Variants in CCNY observed in about 807,000 individuals in gnomAD.
The protein encoded by CCNY is cyclin-Y.
A neutral mutation model predicts 42.8 loss-of-function variants in CCNY; 19 were observed. The observed-to-expected ratio is 0.44, with a 90% CI of 0.31 to 0.65. CCNY has a LOEUF of 0.65. Among genes scored for constraint, CCNY ranks in the 30% least tolerant of loss-of-function variants. The pLI is 0.07. For missense variants in CCNY, 370 were observed against 437.3 expected, an observed-to-expected ratio of 0.85 and a Z score of 1.37; for synonymous variants, 165 against 162.7, an observed-to-expected ratio of 1.01 and a Z score of -0.11.
At chr10:35,256,591 G>T (rs1378193412) in intron 3 of CCNY, among the ~76,000 whole-genome samples, 1 of 151,974 alleles carries the variant, frequency 6.6e-6, no homozygotes, top group Non-Finnish European at 1.5e-5. Context: ...AATTAGCTGG[G>T]TGTGGTGGCG....
At chr10:35,539,182 A>T (rs1160338315) in intron 7 of CCNY, among the ~76,000 whole-genome samples, 1 of 152,180 alleles carries the variant, frequency 6.6e-6, no homozygotes, top group Non-Finnish European at 1.5e-5. Flanking sequence ...TGAAATTGGA[A>T]AGTATGAGTC....
chr10:35,496,646 G>A (rs187323187), intron 2 of CCNY, among the ~76,000 whole-genome samples: 2 of 152,124 alleles, frequency 1.3e-5, no homozygotes, highest in East Asian at 1.9e-4. Context: ...CAGCCTGGGC[G>A]ACATAGTGAG....
chr10:35,400,671 A>C (rs929215257), intron 1 of CCNY, among the ~76,000 whole-genome samples: 5 of 152,180 alleles, frequency 3.3e-5, no homozygotes, highest in Non-Finnish European at 7.3e-5. Flanking sequence ...TAATGGTGCA[A>C]TATGTACTTA....
chr10:35,519,970 T>C (rs1446559484), intron 4 of CCNY, among the ~76,000 whole-genome samples: 1 of 151,952 alleles, frequency 6.6e-6, no homozygotes, highest in Non-Finnish European at 1.5e-5. Context: ...TAGAGACATT[T>C]GTTTCACCTT....
chr10:35,534,552 G>C, intron 7 of CCNY, among the ~76,000 whole-genome samples: 1 of 152,158 alleles, frequency 6.6e-6, no homozygotes, highest in South Asian at 2.1e-4. Flanking sequence ...ACAGGAGGGG[G>C]TGTGGTCCCT....
chr10:35,299,958 G>C (rs1835513723), intron 3 of CCNY, among the ~76,000 whole-genome samples: 1 of 152,124 alleles, frequency 6.6e-6, no homozygotes, highest in Non-Finnish European at 1.5e-5. Flanking sequence ...TACATCTTCA[G>C]TTTATCAGTG....
intron 2 of CCNY, among the ~76,000 whole-genome samples, chr10:35,249,710 A>T (rs1487540339): frequency 6.6e-6 from 1 of 152,154 alleles, no homozygotes; most frequent in South Asian, 2.1e-4. Context: ...TACAGTAGGG[A>T]GTCCTTGCAG....
intron 1 of CCNY, among the ~76,000 whole-genome samples, chr10:35,406,700 A>G (rs1316501836): frequency 1.3e-5 from 2 of 152,190 alleles, no homozygotes; most frequent in East Asian, 1.9e-4. Context: ...TCTATTCCAC[A>G]AAACTGCCAC....
At chr10:35,269,157 G>A (rs1565058577) in intron 3 of CCNY, among the ~76,000 whole-genome samples, 1 of 152,116 alleles carries the variant, frequency 6.6e-6, no homozygotes, top group Non-Finnish European at 1.5e-5. Flanking sequence ...CCCTTTTGAT[G>A]ATAGATTTTC....
intron 1 of CCNY, among the ~76,000 whole-genome samples, chr10:35,361,150 C>T (rs1026830718): frequency 2.0e-5 from 3 of 152,228 alleles, no homozygotes; most frequent in Non-Finnish European, 2.9e-5. Flanking sequence ...AGCCACTGCA[C>T]CTGGCCCATA....
chr10:35,249,810 G>A (rs1192773781), intron 2 of CCNY, among the ~76,000 whole-genome samples: 1 of 152,178 alleles, frequency 6.6e-6, no homozygotes, highest in Non-Finnish European at 1.5e-5. Context: ...AGCACTTTGG[G>A]AGACTGAGGG....
intron 3 of CCNY, 43 bp downstream of exon 3, chr10:35,501,578 A>G (rs1364501343): frequency 1.3e-6 from 2 of 1,540,584 alleles, no homozygotes; most frequent in Admixed American, 1.7e-5. Flanking sequence ...ATGACTGTAC[A>G]GTGTAAAGAG....
At chr10:35,282,255 A>G (rs1201042579) in intron 3 of CCNY, among the ~76,000 whole-genome samples, 1 of 151,652 alleles carries the variant, frequency 6.6e-6, no homozygotes, top group Non-Finnish European at 1.5e-5. Flanking sequence ...CCAACTAGCC[A>G]GGACAACAGG....
At chr10:35,305,490 C>T (rs1363249691) in intron 3 of CCNY, among the ~76,000 whole-genome samples, 1 of 152,272 alleles carries the variant, frequency 6.6e-6, no homozygotes, top group South Asian at 2.1e-4. Flanking sequence ...TCAGCTGATA[C>T]TGTGTTCACT....
intron 1 of CCNY, among the ~76,000 whole-genome samples, chr10:35,423,415 A>G (rs1349580735): frequency 3.3e-5 from 5 of 151,758 alleles, no homozygotes; most frequent in Admixed American, 1.3e-4. Flanking sequence ...GGTTGAGGCT[A>G]CAGTGAATCA....
intron 1 of CCNY, among the ~76,000 whole-genome samples, chr10:35,480,786 G>C (rs1451965795): frequency 6.6e-6 from 1 of 152,044 alleles, no homozygotes; most frequent in Non-Finnish European, 1.5e-5. Context: ...GGGCAACACA[G>C]TAAGACTCTG....
At chr10:35,502,749 CTTTT>C (rs1010900139) in intron 3 of CCNY, among the ~76,000 whole-genome samples, 1 of 145,444 alleles carries the variant, frequency 6.9e-6, no homozygotes. Context: ...ATTGCCATGC[CTTTT>C]TTTTTTTGAA....
intron 5 of CCNY, among the ~76,000 whole-genome samples, chr10:35,526,539 A>G (rs1172989966): frequency 1.3e-5 from 2 of 152,258 alleles, no homozygotes; most frequent in East Asian, 3.8e-4. Context: ...AAAACATGTA[A>G]GAATACATTC....
intron 3 of CCNY, among the ~76,000 whole-genome samples, chr10:35,258,494 A>G (rs1357621341): frequency 1.3e-5 from 2 of 152,220 alleles, no homozygotes; most frequent in Non-Finnish European, 2.9e-5. Context: ...TCTTGCCACA[A>G]TGACAGAGGT....
Sources: allele counts gnomAD v4.1 joint callset (sites outside exome capture counted in the v4.1 genomes callset), GRCh38; gene constraint gnomAD v4.1.1; transcripts MANE v1.5; gene names NCBI Gene and HGNC (gene_info 2026-07-23, HGNC 2026-07-21).